The following ATP11B variants were observed in gnomAD, a reference collection of about 807,000 sequenced individuals.
The protein encoded by ATP11B is ATPase phospholipid transporting 11B (putative).
A neutral mutation model predicts 157.8 loss-of-function variants in ATP11B; 81 were observed. The observed-to-expected ratio is 0.51, with a 90% CI of 0.43 to 0.62. ATP11B has a LOEUF of 0.62. ATP11B is among the 20% of genes least tolerant of loss of function. The pLI, the probability that ATP11B is intolerant of heterozygous loss-of-function variation, is 0.00. For synonymous variants in ATP11B, 451 were observed against 469.4 expected (o/e 0.96, Z 0.51); for missense variants, 1,165 against 1,402.2 (o/e 0.83, Z 2.70).
chr3:182,857,909 G>T lies in ATP11B; in HGVS notation c.883G>T (p.Val295Leu). 1 of 1,551,540 alleles carries T rather than the reference G, an allele frequency of 6.4e-7. No homozygotes were observed. Among genetic ancestry groups the T allele is most frequent in the Non-Finnish European group, 8.9e-7 (1 of 1,126,326 alleles). The change falls in exon 11 of 30, where the codon GTA (valine) becomes TTA (leucine). Residue 295 changes from valine (V) to leucine (L), a missense_variant. By Grantham distance (32) the Val-to-Leu change is conservative. Around this residue, in one of 4 missense-constraint regions of ATP11B, gnomAD observed 737 missense variants for 930.5 expected, o/e 0.79. Coordinates refer to ENST00000323116, the MANE Select transcript of ATP11B (RefSeq NM_014616.3). The part of the protein sequence containing the change: ...SMNTFLIIYL[V>L]ILISEAVIST... ...GAATACATTTTTGATAATTTATCTA[G>T]TAATTCTTATATCTGAAGCTGTCAT...
intron 18 of ATP11B, among the ~76,000 whole-genome samples, chr3:182,873,060 C>A (rs768554769): frequency 6.6e-6 from 1 of 152,202 alleles, no homozygotes; most frequent in African/African-American, 2.4e-5. Flanking sequence ...ATTAAAAATT[C>A]TCTTCTTTGT....
At chr3:182,823,207 G>A (rs1717482226) in intron 2 of ATP11B, among the ~76,000 whole-genome samples, 1 of 152,190 alleles carries the variant, frequency 6.6e-6, no homozygotes, top group Middle Eastern at 3.2e-3. Context: ...TGTCCTGAAT[G>A]GGATTGCCTA....
chr3:182,865,685 A>G lies in ATP11B; in HGVS notation c.1430A>G (p.Asn477Ser), dbSNP rs1721181093. Residue 477 changes from asparagine (N) to serine (S), a missense_variant, in exon 13 of 30, where the codon AAT becomes AGT. Transcript: ENST00000323116. ...TCCTCTTTCAGAACCAGTCCTGAAAATGAAACTGAACTAGTAAGTAATTTT... is the reference window on the plus strand; with the variant it reads ...TCCTCTTTCAGAACCAGTCCTGAAAGTGAAACTGAACTAGTAAGTAATTTT... ...TSSSFRTSPE[N>S]ETELIKEHDL... is the part of the protein sequence containing the mutation. The G allele has an allele frequency of 6.2e-7, 1 of 1,611,188 alleles. No homozygotes were observed. Among genetic ancestry groups the G allele is most frequent in the South Asian group, 1.1e-5 (1 of 90,540 alleles).
In ATP11B at chr3:182,920,347, T is replaced by C. The variant is rs1395333695; in HGVS notation, c.*2243T>C. 6.6e-6 allele frequency: 1 copy of C among 152,236 alleles called. No homozygotes were observed. The highest frequency in any genetic ancestry group is 2.4e-5 in the African/African-American group (1 of 41,450). The allele number at this position is 152,236 out of a possible 1,614,324, so 9.4% of individuals were successfully genotyped here. ...CCACTCCGTTTTTAAAGCAAAATTATCTTGTGATTTTAAGAAAAGAGTTTT... is the reference window on the plus strand; with the variant it reads ...CCACTCCGTTTTTAAAGCAAAATTACCTTGTGATTTTAAGAAAAGAGTTTT... On this transcript the variant is annotated 3_prime_UTR_variant, in exon 30 of 30. Coordinates refer to ENST00000323116, the MANE Select transcript of ATP11B (RefSeq NM_014616.3).
rs144942519 is a variant in ATP11B at position 182,811,208 on chromosome 3, G to A, written c.28-9052G>A. Reference sequence around the variant, plus strand: ...ATGTGATTTTCTGAAATAGTAAACAGCACTTCATAAAAGTTCTGACAAAAA... The same window carrying A: ...ATGTGATTTTCTGAAATAGTAAACAACACTTCATAAAAGTTCTGACAAAAA... On this transcript the variant is annotated intron_variant, in intron 1 of 29. Transcript: ENST00000323116. Among the ~76,000 whole-genome samples, 1,022 of 152,180 alleles carry A rather than the reference G, an allele frequency of 6.7e-3. 12 individuals are homozygous for A. Among genetic ancestry groups the A allele is most frequent in the African/African-American group, 0.023 (973 of 41,514 alleles).
Position 182,842,067 on chromosome 3 carries a change from T to A in ATP11B, c.657-8T>A. 4 of 1,596,176 alleles carry A rather than the reference T, an allele frequency of 2.5e-6. No individual in the cohort carries two copies. In the South Asian group the frequency reaches 4.5e-5, roughly 18 times the overall value. ...TTATATGTTTTTGTAATGTGAATTT[T>A]TTGATAGATTCATGGGACGAATGAT... is the stretch of plus-strand genomic sequence containing the variant. On this transcript the variant is annotated splice_polypyrimidine_tract_variant and splice_region_variant and intron_variant, in intron 7 of 29. Transcript: ENST00000323116.
intron 18 of ATP11B, among the ~76,000 whole-genome samples, 179 bp downstream of exon 18, chr3:182,872,716 A>G (rs1191113906): frequency 6.6e-6 from 1 of 152,242 alleles, no homozygotes; most frequent in Non-Finnish European, 1.5e-5. Flanking sequence ...TTCTAGCTAG[A>G]TACCTGAAAT....
intron 1 of ATP11B, among the ~76,000 whole-genome samples, chr3:182,813,981 C>T (rs188356299): frequency 2.0e-5 from 3 of 152,328 alleles, no homozygotes; most frequent in African/African-American, 7.2e-5. Flanking sequence ...CTGCCTTGGC[C>T]TCCCAAAGTG....
At chr3:182,814,802 G>A (rs1716875922) in intron 1 of ATP11B, among the ~76,000 whole-genome samples, 1 of 152,108 alleles carries the variant, frequency 6.6e-6, no homozygotes, top group African/African-American at 2.4e-5. Context: ...AGCAAGACCT[G>A]ATCTCAAAAG....
chr3:182,873,957 C>T lies in ATP11B; in HGVS notation c.2194C>T (p.Leu732Phe), dbSNP rs1277801195. 4 of 1,614,060 alleles carry T rather than the reference C, an allele frequency of 2.5e-6. No individual in the cohort carries two copies. Among genetic ancestry groups the T allele is most frequent in the Non-Finnish European group, 2.5e-6 (3 of 1,179,986 alleles). ...TCATAGAACCATGAACATCCTTGAA[C>T]TTATAAACCAGAAATCAGACAGCGA... is the stretch of plus-strand genomic sequence containing the variant. ...HFHRTMNILELINQKSDSECA... is the reference protein window; with the variant it reads ...HFHRTMNILEFINQKSDSECA... Residue 732 changes from leucine (L) to phenylalanine (F), a missense_variant, in exon 19 of 30, where the codon CTT becomes TTT. Leu to Phe is a conservative substitution (Grantham distance 22). This residue lies in a region of ATP11B where 737 missense variants were observed against 930.5 expected (regional missense o/e 0.79). Coordinates refer to ENST00000323116, the MANE Select transcript of ATP11B (RefSeq NM_014616.3).
At chr3:182,911,823 T>C (rs1417943462) in intron 28 of ATP11B, among the ~76,000 whole-genome samples, 1 of 152,102 alleles carries the variant, frequency 6.6e-6, no homozygotes, top group Non-Finnish European at 1.5e-5. Flanking sequence ...AGCAGTGAAA[T>C]AGAATCAGAG....
At chr3:182,805,817 A>G (rs771328718) in intron 1 of ATP11B, among the ~76,000 whole-genome samples, 1 of 151,842 alleles carries the variant, frequency 6.6e-6, no homozygotes, top group Non-Finnish European at 1.5e-5. Flanking sequence ...GAGTTGTAAG[A>G]CTTCTTTATA....
Position 182,898,472 on chromosome 3 carries a change from A to G in ATP11B, c.3153-135A>G, listed in dbSNP as rs996954041. 1.0e-5 allele frequency: 6 copies of G among 573,578 alleles called. No homozygotes were observed. The Admixed American group carries it at 2.3e-4, about 22-fold the overall frequency. 35.5% of individuals were successfully genotyped at this position (573,578 alleles called of 1,614,324 possible). A position where few individuals can be genotyped will look rare whatever the true frequency, so the allele number is the denominator to read the frequency against. On this transcript the variant is annotated intron_variant, in intron 27 of 29. Transcript: ENST00000323116. Reference sequence around the variant, plus strand: ...TTATCTTGTTTTGTTAGTTCAGTTAATTAAATTATACTGATTTCAGTTTTG... The same window carrying G: ...TTATCTTGTTTTGTTAGTTCAGTTAGTTAAATTATACTGATTTCAGTTTTG...
chr3:182,812,890 A>G (rs1716756260), intron 1 of ATP11B, among the ~76,000 whole-genome samples: 1 of 151,934 alleles, frequency 6.6e-6, no homozygotes, highest in African/African-American at 2.4e-5. Flanking sequence ...TCCTTACTCA[A>G]CCCCTGGCAA....
At position 182,921,347 on chromosome 3, in the gene ATP11B, G is replaced by C. The variant is rs2108604113; in HGVS notation, c.*3243G>C. 1 of 152,228 alleles carries C rather than the reference G, an allele frequency of 6.6e-6. No homozygotes were observed. The highest frequency in any genetic ancestry group is 1.9e-4 in the East Asian group (1 of 5,188). The allele number at this position is 152,228 out of a possible 1,614,324, so 9.4% of individuals were successfully genotyped here. A position where few individuals can be genotyped will look rare whatever the true frequency, so the allele number is the denominator to read the frequency against. On this transcript the variant is annotated 3_prime_UTR_variant, in exon 30 of 30. Coordinates refer to ENST00000323116, the MANE Select transcript of ATP11B (RefSeq NM_014616.3). ...AAAAGTAAAACACTATTAAAGTGCT[G>C]TTTTATGTGAAATAACTTGAATGTT...
At chr3:182,837,297 G>A in intron 7 of ATP11B, 123 bp downstream of exon 7, 1 of 643,100 alleles carries the variant, frequency 1.6e-6, no homozygotes, top group South Asian at 3.0e-5. Flanking sequence ...GTGGGTTGGT[G>A]GGAGATGCAA....
rs757067844 is a variant in ATP11B, at chr3:182,866,335, A to T, written c.1511A>T (p.Gln504Leu). The T allele has an allele frequency of 6.2e-7, 1 of 1,613,968 alleles. No homozygotes were observed. Among genetic ancestry groups the T allele is most frequent in the South Asian group, 1.1e-5 (1 of 91,024 alleles). The change falls in exon 14 of 30, where the codon CAA becomes CTA. Residue 504 changes from glutamine (Q) to leucine (L), a missense_variant. Physicochemically the swap from Gln to Leu is moderately radical, Grantham distance 113. Around this residue, in one of 4 missense-constraint regions of ATP11B, gnomAD observed 737 missense variants for 930.5 expected, o/e 0.79. Transcript: ENST00000323116. ...LCHTVQISNV[Q>L]TDCTGDGPWQ... ...CACACTGTACAGATTAGCAATGTTC[A>T]AACTGACTGCACTGGTGATGGTCCC...
intron 28 of ATP11B, among the ~76,000 whole-genome samples, chr3:182,909,874 G>A (rs963641885): frequency 6.6e-6 from 1 of 151,890 alleles, no homozygotes; most frequent in Non-Finnish European, 1.5e-5. Flanking sequence ...GACCAGCCTG[G>A]GCAACATGGT....
intron 10 of ATP11B, among the ~76,000 whole-genome samples, chr3:182,854,781 ACACACACACACACACACACC>A (rs1720249805): frequency 1.3e-5 from 1 of 77,840 alleles, no homozygotes; most frequent in African/African-American, 3.2e-5. Flanking sequence ...ACACACACAC[ACACACACACACACACACACC>A]TGCCTACAAG....
Sources: gnomAD v4.1 joint callset for allele counts (sites outside exome capture counted in the v4.1 genomes callset) on GRCh38, gnomAD v4.1.1 for gene constraint, gnomAD v4.1.1 regional missense constraint, MANE v1.5 for transcripts, NCBI Gene and HGNC (gene_info 2026-07-23, HGNC 2026-07-21) for gene names.